C5orf15: variants seen among roughly 807,000 people sequenced by gnomAD.
C5orf15 encodes keratinocyte-associated transmembrane protein 2.
A neutral mutation model predicts 17.8 loss-of-function variants in C5orf15; 10 were observed. The ratio of observed to expected loss-of-function variants is 0.56; its 90% CI spans 0.35 to 0.95. The LOEUF is 0.95. Among genes scored for constraint, C5orf15 ranks in the 40% least tolerant of loss-of-function variants. C5orf15 has a pLI of 0.02. For synonymous variants in C5orf15, 124 were observed against 131.0 expected (o/e 0.95, Z 0.36); for missense variants, 319 against 331.7 (o/e 0.96, Z 0.30).
rs1192378297 is a variant in C5orf15, at chr5:133,959,842, G to A, written c.318C>T (p.Pro106=). 3.7e-6 allele frequency: 6 copies of A among 1,614,102 alleles called. No individual in the cohort carries two copies. The highest frequency in any genetic ancestry group is 5.1e-6 in the Non-Finnish European group (6 of 1,179,986). ...CCTCTTGAGACAGAGGAGTAGGCGA[G>A]GGATGAGGGACCACAGATGCTCCTC... The part of the protein sequence containing the change: ...KSGGASVVPH[P]SPTPLSQEEA... Residue 106 remains proline (P), a synonymous_variant, in exon 2 of 3, where the codon CCC becomes CCT. Coordinates refer to ENST00000231512, the MANE Select transcript of C5orf15 (RefSeq NM_020199.3).
At chr5:133,963,446 G>A (rs1482258236) in intron 1 of C5orf15, among the ~76,000 whole-genome samples, 4 of 152,226 alleles carry the variant, frequency 2.6e-5, no homozygotes, top group African/African-American at 9.6e-5. Context: ...ACTCTTCCCT[G>A]TTTCTCCCAC....
At position 133,955,714 on chromosome 5, in the gene C5orf15, G is replaced by C. The variant is rs1367349738; in HGVS notation, c.*1145C>G. ...CTCTACATAAAGCGCAAGCCCACTG[G>C]CTCACCCGGGTCCTGCTTAACATAT... is the stretch of plus-strand genomic sequence containing the variant. On this transcript the variant is annotated 3_prime_UTR_variant, in exon 3 of 3. Coordinates refer to ENST00000231512, the MANE Select transcript of C5orf15 (RefSeq NM_020199.3). 6.6e-6 allele frequency: 1 copy of C among 152,556 alleles called. No individual in the cohort carries two copies. The highest frequency in any genetic ancestry group is 1.9e-4 in the East Asian group (1 of 5,194). 9.5% of individuals were successfully genotyped at this position (152,556 alleles called of 1,614,324 possible).
chr5:133,967,785 T>C (rs1368034951), intron 1 of C5orf15, among the ~76,000 whole-genome samples: 1 of 152,146 alleles, frequency 6.6e-6, no homozygotes, highest in East Asian at 1.9e-4. Flanking sequence ...TCTGAATCTT[T>C]ATCAAACACC....
intron 1 of C5orf15, among the ~76,000 whole-genome samples, chr5:133,966,875 G>T (rs1057106045): frequency 1.3e-5 from 2 of 152,190 alleles, no homozygotes; most frequent in Admixed American, 6.5e-5. Context: ...TGTATGTAAA[G>T]ACTTAATTTA....
intron 1 of C5orf15, among the ~76,000 whole-genome samples, chr5:133,965,908 G>T (rs371129232): frequency 6.6e-6 from 1 of 150,946 alleles, no homozygotes. Context: ...CTGGGCGACA[G>T]AGCAAAACCC....
chr5:133,959,512 T>C lies in C5orf15; in HGVS notation c.648A>G (p.Thr216=), dbSNP rs765424711. 7 of 1,551,346 alleles carry C rather than the reference T, an allele frequency of 4.5e-6. No individual in the cohort carries two copies. The Admixed American group carries it at 6.1e-5, about 13-fold the overall frequency. ...AACCTACCTTCCTTTTGTTGTGATATGTAATGTAAACAACAGCAATGCAAA... is the reference window on the plus strand; with the variant it reads ...AACCTACCTTCCTTTTGTTGTGATACGTAATGTAAACAACAGCAATGCAAA... ...FAFCIAVVYI[T]YHNKRKIFLL... is the part of the protein sequence containing the mutation. The change falls in exon 2 of 3, where the codon ACA becomes ACG. Residue 216 remains threonine, a synonymous_variant. Transcript: ENST00000231512.
intron 1 of C5orf15, 58 bp from the exon 2 acceptor site, chr5:133,960,078 A>C: frequency 6.7e-7 from 1 of 1,489,354 alleles, no homozygotes; most frequent in Non-Finnish European, 9.0e-7. Flanking sequence ...ACCAAGCTAA[A>C]AGCATATTTA....
rs547803394 is a variant in C5orf15 at position 133,960,404 on chromosome 5, C to G, written c.140-384G>C. Among the ~76,000 whole-genome samples, 35 of 152,228 alleles carry G rather than the reference C, an allele frequency of 2.3e-4. No homozygotes were observed. In the South Asian group the frequency reaches 7.3e-3, roughly 32 times the overall value. ...TTCAGTTACCTTGTCCAGACTTTAC[C>G]TGATCCCTAGAACAGACCAAAAAGT... is the stretch of plus-strand genomic sequence containing the variant. On this transcript the variant is annotated intron_variant, in intron 1 of 2. Transcript: ENST00000231512.
chr5:133,963,126 G>A (rs1752146043), intron 1 of C5orf15, among the ~76,000 whole-genome samples: 1 of 152,176 alleles, frequency 6.6e-6, no homozygotes, highest in Non-Finnish European at 1.5e-5. Flanking sequence ...TCAGGTGTAT[G>A]TTTAAAGCTG....
At chr5:133,957,070 C>A in intron 2 of C5orf15, 80 bp from the exon 3 acceptor site, 1 of 1,202,074 alleles carries the variant, frequency 8.3e-7, no homozygotes, top group South Asian at 1.4e-5. Context: ...TAAAATATCT[C>A]TCTTCTAGGT....
chr5:133,968,592 T>C lies in C5orf15; in HGVS notation c.-8A>G. 1.2e-6 allele frequency: 2 copies of C among 1,603,654 alleles called. No individual in the cohort carries two copies. The highest frequency in any genetic ancestry group is 2.2e-5 in the South Asian group (2 of 89,218). ...CGGGACGGCAGCGGCCATAACGGAC[T>C]CGGCTGGGAGCCTGCGCTGTTGCTA... On this transcript the variant is annotated 5_prime_UTR_variant, in exon 1 of 3. Transcript: ENST00000231512.
intron 1 of C5orf15, among the ~76,000 whole-genome samples, chr5:133,962,695 T>C (rs555150039): frequency 5.3e-5 from 8 of 152,172 alleles, no homozygotes; most frequent in Non-Finnish European, 1.0e-4. Context: ...GAGTCATTAT[T>C]TATTATCACA....
chr5:133,961,232 TAAAAAAAAAAAAAAAAAAAAAA>T, intron 1 of C5orf15, among the ~76,000 whole-genome samples: 1 of 30,438 alleles, frequency 3.3e-5, no homozygotes, highest in South Asian at 1.3e-3. Flanking sequence ...AGTCAGTTAG[TAAAAAAAAAAAAAAAAAAAAAA>T]AAAAAAAAAG....
chr5:133,968,127 G>A (rs887702306), intron 1 of C5orf15, among the ~76,000 whole-genome samples: 2 of 151,804 alleles, frequency 1.3e-5, no homozygotes, highest in African/African-American at 4.8e-5. Flanking sequence ...GCCATTCCTT[G>A]CGGCAGCCCA....
intron 2 of C5orf15, among the ~76,000 whole-genome samples, chr5:133,957,692 T>C (rs1752059052): frequency 6.6e-6 from 1 of 152,248 alleles, no homozygotes; most frequent in Admixed American, 6.5e-5. Flanking sequence ...GTTTGCTTTT[T>C]TTTGAACTAT....
At chr5:133,966,169 C>T (rs1580700193) in intron 1 of C5orf15, among the ~76,000 whole-genome samples, 1 of 151,466 alleles carries the variant, frequency 6.6e-6, no homozygotes, top group Non-Finnish European at 1.5e-5. Flanking sequence ...TGCAATGAGC[C>T]GAGATCACGC....
chr5:133,967,065 A>G (rs748490254), intron 1 of C5orf15, among the ~76,000 whole-genome samples: 2 of 152,212 alleles, frequency 1.3e-5, no homozygotes, highest in Non-Finnish European at 2.9e-5. Context: ...TGCCAGATAT[A>G]TATCCCTTAA....
At chr5:133,962,171 G>A (rs901180728) in intron 1 of C5orf15, among the ~76,000 whole-genome samples, 11 of 152,128 alleles carry the variant, frequency 7.2e-5, no homozygotes, top group Non-Finnish European at 1.5e-4. Flanking sequence ...ACTTTTAAAA[G>A]AACAATTTTT....
intron 1 of C5orf15, among the ~76,000 whole-genome samples, chr5:133,966,653 C>A (rs1752197609): frequency 6.6e-6 from 1 of 152,202 alleles, no homozygotes; most frequent in Non-Finnish European, 1.5e-5. Context: ...TGTAAACTCA[C>A]TTGAAATTTG....
Sources: gnomAD v4.1 joint callset for allele counts (sites outside exome capture counted in the v4.1 genomes callset) on GRCh38, gnomAD v4.1.1 for gene constraint, MANE v1.5 for transcripts, NCBI Gene and HGNC (gene_info 2026-07-23, HGNC 2026-07-21) for gene names.